Variants in ARHGAP23 observed in about 807,000 individuals in gnomAD.
ARHGAP23 encodes rho GTPase-activating protein 23.
In ARHGAP23, 34 loss-of-function variants were observed where a neutral mutation model predicts 136.3. That is an observed-to-expected ratio of 0.25 (90% confidence interval 0.19 to 0.33). The LOEUF is 0.33. Ranked by LOEUF, ARHGAP23 falls within the 10% of genes least tolerant of loss-of-function variation. The probability of loss-of-function intolerance (pLI) is 1.00; values close to 1 mark genes in which losing one functional copy is unlikely to be tolerated. For synonymous variants in ARHGAP23, 832 were observed against 920.5 expected (o/e 0.90, Z 1.74); for missense variants, 1,808 against 2,139.0 (o/e 0.85, Z 3.05).
In ARHGAP23 at chr17:38,469,279, G is replaced by A. The variant is rs1348485380; in HGVS notation, c.1784G>A (p.Arg595His). 4 of 1,551,166 alleles carry A rather than the reference G, an allele frequency of 2.6e-6. No individual in the cohort carries two copies. Among genetic ancestry groups the A allele is most frequent in the East Asian group, 2.4e-5 (1 of 40,904 alleles). Reference protein sequence around the residue: ...SSPTFTFTLGRHYSQDCSSIK... With the variant: ...SSPTFTFTLGHHYSQDCSSIK... ...CCGACCTTCACTTTCACCCTCGGAC[G>A]CCATTACTCGCAGGACTGCAGTGAG... The change falls in exon 8 of 24, where the codon CGC (arginine) becomes CAC (histidine). Residue 595 changes from arginine to histidine, a missense_variant. Transcript: ENST00000622683.
intron 2 of ARHGAP23, among the ~76,000 whole-genome samples, chr17:38,459,191 T>C (rs569915080): frequency 3.9e-4 from 59 of 152,310 alleles, no homozygotes; most frequent in Admixed American, 3.3e-4. Flanking sequence ...TGTACAGCTA[T>C]TGGGGGACTC....
chr17:38,487,961 G>A (rs2040194117), intron 17 of ARHGAP23, among the ~76,000 whole-genome samples: 1 of 152,068 alleles, frequency 6.6e-6, no homozygotes, highest in Non-Finnish European at 1.5e-5. Context: ...GAATGCAGTG[G>A]CGCAATCATG....
chr17:38,444,782 A>G (rs911176388), intron 1 of ARHGAP23, among the ~76,000 whole-genome samples: 1 of 151,428 alleles, frequency 6.6e-6, no homozygotes, highest in African/African-American at 2.4e-5. Context: ...TCTCCTGGGC[A>G]CCAAGGAGAG....
At chr17:38,443,129 G>A (rs993601734) in intron 1 of ARHGAP23, among the ~76,000 whole-genome samples, 1 of 152,246 alleles carries the variant, frequency 6.6e-6, no homozygotes, top group Admixed American at 6.5e-5. Flanking sequence ...CCAATGGCAA[G>A]TGTGGCCTTT....
At chr17:38,484,337 A>G (rs190983759) in intron 16 of ARHGAP23, among the ~76,000 whole-genome samples, 1 of 152,030 alleles carries the variant, frequency 6.6e-6, no homozygotes, top group Non-Finnish European at 1.5e-5. Context: ...GGAGAGGCGG[A>G]AGGGAGGGGC....
At chr17:38,475,854 G>A (rs1302682838) in intron 11 of ARHGAP23, among the ~76,000 whole-genome samples, 2 of 152,166 alleles carry the variant, frequency 1.3e-5, no homozygotes, top group Non-Finnish European at 2.9e-5. Context: ...GCTGCATTGA[G>A]GGAAAAATAT....
intron 3 of ARHGAP23, 149 bp downstream of exon 3, chr17:38,461,081 T>C: frequency 2.1e-6 from 3 of 1,412,268 alleles, no homozygotes; most frequent in Non-Finnish European, 2.8e-6. Flanking sequence ...GTGCCCCTGG[T>C]CTGGCCCCCT....
intron 1 of ARHGAP23, among the ~76,000 whole-genome samples, chr17:38,437,639 T>C: frequency 6.6e-6 from 1 of 150,494 alleles, no homozygotes; most frequent in East Asian, 2.0e-4. Flanking sequence ...CCAAAAAATA[T>C]TAAAGCTGGG....
intron 2 of ARHGAP23, among the ~76,000 whole-genome samples, chr17:38,458,999 G>T (rs1255291415): frequency 6.6e-6 from 1 of 152,194 alleles, no homozygotes; most frequent in African/African-American, 2.4e-5. Context: ...TGTGAGCTAG[G>T]GGGAGGGGTC....
rs1343673801 is a variant in ARHGAP23, at chr17:38,509,933, C to T, written c.3448-11C>T. ...GGGCGCCCCCCGCATCCTGACCTGT[C>T]TCCCACACAGGGTTCGTGGGCCCCC... On this transcript the variant is annotated splice_polypyrimidine_tract_variant and intron_variant, in intron 23 of 23. Transcript: ENST00000622683. The T allele has an allele frequency of 4.8e-6, 6 of 1,247,530 alleles. No individual in the cohort carries two copies. Among genetic ancestry groups the T allele is most frequent in the Non-Finnish European group, 5.1e-6 (5 of 989,758 alleles). The allele number at this position is 1,247,530 out of a possible 1,614,324, so 77.3% of individuals were successfully genotyped here. A position where few individuals can be genotyped will look rare whatever the true frequency, so the allele number is the denominator to read the frequency against.
intron 3 of ARHGAP23, 101 bp downstream of exon 3, chr17:38,461,033 C>G (rs1240814062): frequency 2.0e-6 from 3 of 1,480,266 alleles, no homozygotes; most frequent in Admixed American, 4.3e-5. Flanking sequence ...TTCTGTGCCC[C>G]CCTCCCTTGA....
At chr17:38,444,823 T>C (rs2038996033) in intron 1 of ARHGAP23, among the ~76,000 whole-genome samples, 1 of 147,468 alleles carries the variant, frequency 6.8e-6, no homozygotes, top group Admixed American at 6.6e-5. Flanking sequence ...TTTCAACATT[T>C]TTTTTTTTTT....
rs1250532989 is a variant in ARHGAP23 at position 38,510,768 on chromosome 17, G to A, written c.4272G>A (p.Glu1424=). The A allele has an allele frequency of 1.3e-6, 2 of 1,495,082 alleles. No homozygotes were observed. The highest frequency in any genetic ancestry group is 4.7e-5 in the Admixed American group (2 of 42,588). The allele number at this position is 1,495,082 out of a possible 1,614,324, so 92.6% of individuals were successfully genotyped here. Residue 1424 remains glutamate, a synonymous_variant, in exon 24 of 24, where the codon GAG becomes GAA. Transcript: ENST00000622683. The surrounding 1 kb of genome is among the most constrained non-coding windows in gnomAD (Gnocchi z 4.6). ...ACCTCAACTTCAACGAGTGGAAGGA[G>A]CTGGGCGGAGGGGGCCCCCCGGAGC... ...LTDLNFNEWK[E]LGGGGPPEPA...
At chr17:38,450,018 C>G (rs1392434157) in intron 1 of ARHGAP23, among the ~76,000 whole-genome samples, 1 of 152,224 alleles carries the variant, frequency 6.6e-6, no homozygotes, top group Non-Finnish European at 1.5e-5. Context: ...CCAGACCATC[C>G]TCTCCTGTGA....
intron 22 of ARHGAP23, 73 bp from the exon 23 acceptor site, chr17:38,500,524 A>G (rs1350903852): frequency 9.8e-6 from 13 of 1,332,584 alleles, no homozygotes; most frequent in Non-Finnish European, 1.4e-5. Flanking sequence ...AGGAGAGGGA[A>G]TTGTGTGCAT....
chr17:38,510,634 G>T lies in ARHGAP23; in HGVS notation c.4138G>T (p.Ala1380Ser). The T allele has an allele frequency of 7.4e-7, 1 of 1,358,142 alleles. No individual in the cohort carries two copies. Among genetic ancestry groups the T allele is most frequent in the Non-Finnish European group, 9.4e-7 (1 of 1,064,252 alleles). The allele number at this position is 1,358,142 out of a possible 1,614,324, so 84.1% of individuals were successfully genotyped here. A position where few individuals can be genotyped will look rare whatever the true frequency, so the allele number is the denominator to read the frequency against. ...EALRLRLRGTADDMLAVRLRR... is the reference protein window; with the variant it reads ...EALRLRLRGTSDDMLAVRLRR... ...GCTGCGTCTAAGGCTCCGCGGCACGGCGGACGACATGCTCGCCGTGCGCCT... is the reference window on the plus strand; with the variant it reads ...GCTGCGTCTAAGGCTCCGCGGCACGTCGGACGACATGCTCGCCGTGCGCCT... The change falls in exon 24 of 24, where the codon GCG becomes TCG. Residue 1380 changes from alanine (A) to serine (S), a missense_variant. This residue lies in a region of ARHGAP23 where 506 missense variants were observed against 455.8 expected (regional missense o/e 1.11). Transcript: ENST00000622683. The surrounding 1 kb of genome is among the most constrained non-coding windows in gnomAD (Gnocchi z 4.6).
Position 38,490,525 on chromosome 17 carries a change from A to G in ARHGAP23, c.3124A>G (p.Ile1042Val). The G allele has an allele frequency of 1.9e-6, 3 of 1,548,760 alleles. No homozygotes were observed. The highest frequency in any genetic ancestry group is 2.6e-6 in the Non-Finnish European group (3 of 1,146,130). Residue 1042 changes from isoleucine to valine, a missense_variant, in exon 19 of 24, where the codon ATC (isoleucine) becomes GTC (valine). By Grantham distance (29) the Ile-to-Val change is conservative. Around this residue, in one of 7 missense-constraint regions of ARHGAP23, gnomAD observed 105 missense variants for 200.6 expected, o/e 0.52. Transcript: ENST00000622683. ...LKFLVGHLKTIADHSEKNKME... is the reference protein window; with the variant it reads ...LKFLVGHLKTVADHSEKNKME... ...ATTCCTTGTGGGCCATCTCAAGACC[A>G]TCGCTGACCACTCTGAGAAAAACAA... is the stretch of plus-strand genomic sequence containing the variant.
chr17:38,448,825 T>C (rs1340668323), intron 1 of ARHGAP23, among the ~76,000 whole-genome samples: 3 of 150,776 alleles, frequency 2.0e-5, no homozygotes, highest in Non-Finnish European at 2.9e-5. Flanking sequence ...TTTAAATTTT[T>C]TGTAGAGATG....
At chr17:38,494,110 G>C (rs1236662761) in intron 20 of ARHGAP23, among the ~76,000 whole-genome samples, 1 of 152,206 alleles carries the variant, frequency 6.6e-6, no homozygotes, top group Non-Finnish European at 1.5e-5. Flanking sequence ...AATCGAAAAT[G>C]TCTCCAGACA....
Sources: allele counts gnomAD v4.1 joint callset (sites outside exome capture counted in the v4.1 genomes callset), GRCh38; gene constraint gnomAD v4.1.1; regional missense constraint gnomAD v4.1.1; non-coding constraint Gnocchi (gnomAD v3.1); transcripts MANE v1.5; gene names NCBI Gene and HGNC (gene_info 2026-07-23, HGNC 2026-07-21).